The following ZDHHC20 variants were observed in gnomAD, a reference collection of about 807,000 sequenced individuals.
The protein encoded by ZDHHC20 is palmitoyltransferase ZDHHC20.
A neutral mutation model predicts 57.8 loss-of-function variants in ZDHHC20; 43 were observed. The ratio of observed to expected loss-of-function variants is 0.74; its 90% CI spans 0.58 to 0.96. The LOEUF (loss-of-function observed/expected upper bound fraction) is 0.96. ZDHHC20 is among the 40% of genes least tolerant of loss of function. ZDHHC20 has a pLI of 0.00. For missense variants in ZDHHC20, 391 were observed against 441.1 expected, an observed-to-expected ratio of 0.89 and a Z score of 1.02; for synonymous variants, 157 against 153.0, an observed-to-expected ratio of 1.03 and a Z score of -0.19.
intron 3 of ZDHHC20, among the ~76,000 whole-genome samples, chr13:21,414,898 AAAACT>A (rs1466639245): frequency 6.6e-6 from 1 of 152,090 alleles, no homozygotes; most frequent in Non-Finnish European, 1.5e-5. Flanking sequence ...AAAAAAAAAC[AAAACT>A]AAGAATGGCT....
intron 1 of ZDHHC20, among the ~76,000 whole-genome samples, chr13:21,453,188 G>A (rs1884614409): frequency 6.6e-6 from 1 of 152,206 alleles, no homozygotes; most frequent in Non-Finnish European, 1.5e-5. Flanking sequence ...TGCCAAAGCA[G>A]ATTTCAGAGT....
At chr13:21,441,168 C>T (rs1214361188) in intron 1 of ZDHHC20, among the ~76,000 whole-genome samples, 1 of 152,122 alleles carries the variant, frequency 6.6e-6, no homozygotes, top group Non-Finnish European at 1.5e-5. Context: ...TTCATTTATA[C>T]ATTAATTGGG....
chr13:21,380,132 C>G (rs1307381929), intron 11 of ZDHHC20, among the ~76,000 whole-genome samples: 3 of 142,828 alleles, frequency 2.1e-5, no homozygotes, highest in South Asian at 4.5e-4. Context: ...CCTTTCTTCC[C>G]CGAGATGGAG....
At chr13:21,434,469 TTTAGTC>T (rs1364625696) in intron 1 of ZDHHC20, among the ~76,000 whole-genome samples, 1 of 152,208 alleles carries the variant, frequency 6.6e-6, no homozygotes, top group Non-Finnish European at 1.5e-5. Flanking sequence ...TTATTCCTCA[TTTAGTC>T]TTAGTCTTGG....
chr13:21,416,167 T>C (rs949370617), intron 3 of ZDHHC20, among the ~76,000 whole-genome samples: 11 of 128,268 alleles, frequency 8.6e-5, no homozygotes, highest in Non-Finnish European at 1.4e-4. Flanking sequence ...GTCACACCAC[T>C]ACACTCCAGC....
intron 1 of ZDHHC20, among the ~76,000 whole-genome samples, chr13:21,431,516 T>C (rs1432074655): frequency 6.6e-6 from 1 of 152,242 alleles, no homozygotes; most frequent in African/African-American, 2.4e-5. Context: ...GGGTCTAATG[T>C]TAAATATGTG....
intron 1 of ZDHHC20, among the ~76,000 whole-genome samples, chr13:21,428,030 G>A (rs1881478306): frequency 6.6e-6 from 1 of 151,754 alleles, no homozygotes; most frequent in South Asian, 2.1e-4. Flanking sequence ...TTTTTTTCCT[G>A]GAGGTAGAGG....
chr13:21,451,571 A>T (rs964053459), intron 1 of ZDHHC20, among the ~76,000 whole-genome samples: 1 of 152,248 alleles, frequency 6.6e-6, no homozygotes, highest in African/African-American at 2.4e-5. Context: ...AAAACTGTGA[A>T]TATGTTTTGA....
At chr13:21,432,109 T>C (rs1421830085) in intron 1 of ZDHHC20, among the ~76,000 whole-genome samples, 1 of 152,170 alleles carries the variant, frequency 6.6e-6, no homozygotes, top group East Asian at 1.9e-4. Flanking sequence ...TCATTTTATA[T>C]CATTTCATAT....
At chr13:21,447,618 G>C (rs879369334) in intron 1 of ZDHHC20, among the ~76,000 whole-genome samples, 18,492 of 136,734 alleles carry the variant, frequency 0.14, 1,220 homozygotes, top group Non-Finnish European at 0.2. Flanking sequence ...CAGTGGCGTG[G>C]TCTCGGCTCA....
intron 7 of ZDHHC20, among the ~76,000 whole-genome samples, chr13:21,393,986 T>G (rs999480733): frequency 6.6e-6 from 1 of 152,232 alleles, no homozygotes; most frequent in Non-Finnish European, 1.5e-5. Flanking sequence ...GCTTCTACCT[T>G]ATTCCAGCCG....
chr13:21,426,229 G>A (rs986151570), intron 1 of ZDHHC20, among the ~76,000 whole-genome samples: 1 of 152,092 alleles, frequency 6.6e-6, no homozygotes, highest in African/African-American at 2.4e-5. Flanking sequence ...CTTCCACCTT[G>A]TATTACTATT....
chr13:21,408,359 G>GTATTT (rs1424952968), intron 4 of ZDHHC20, among the ~76,000 whole-genome samples: 1 of 152,042 alleles, frequency 6.6e-6, no homozygotes, highest in Admixed American at 6.5e-5. Context: ...TTATTCCTAG[G>GTATTT]TATTTTATTA....
chr13:21,397,018 C>CT (rs1876898416), intron 7 of ZDHHC20, among the ~76,000 whole-genome samples: 1 of 152,104 alleles, frequency 6.6e-6, no homozygotes, highest in Non-Finnish European at 1.5e-5. Flanking sequence ...CAAAAGTCAC[C>CT]TTTTTATAAA....
At chr13:21,414,405 G>C (rs568872998) in intron 3 of ZDHHC20, among the ~76,000 whole-genome samples, 1 of 151,114 alleles carries the variant, frequency 6.6e-6, no homozygotes, top group East Asian at 1.9e-4. Flanking sequence ...CTGTCGCCCA[G>C]GCTAGAGTGC....
intron 7 of ZDHHC20, among the ~76,000 whole-genome samples, chr13:21,399,508 T>C (rs1240057852): frequency 1.3e-5 from 2 of 152,146 alleles, no homozygotes; most frequent in Admixed American, 6.5e-5. Context: ...ACTTTCAATG[T>C]TTTTGGTAGT....
intron 2 of ZDHHC20, among the ~76,000 whole-genome samples, chr13:21,424,128 G>A (rs192315545): frequency 2.1e-4 from 32 of 152,158 alleles, no homozygotes; most frequent in Admixed American, 6.5e-4. Flanking sequence ...GTACTTAAAA[G>A]ATGTTATCAT....
rs747307477 is a variant in ZDHHC20, at chr13:21,414,527, AT to A, written c.250-756del. Among the ~76,000 whole-genome samples the A allele has an allele frequency of 6.9e-3, 744 of 107,502 alleles. 6 individuals are homozygous for A. The highest frequency in any genetic ancestry group is 0.018 in the African/African-American group (587 of 32,388). The allele number at this position is 107,502 out of a possible 152,430, so 70.5% of individuals were successfully genotyped here. On this transcript the variant is annotated intron_variant, in intron 3 of 12. Coordinates refer to ENST00000400590, the MANE Select transcript of ZDHHC20 (RefSeq NM_001330059.2). ...AGGCGCACGCCACTATGCCCGGATA[AT>A]TTTTTTTTTTTTTTTTGTATTTTTA...
At chr13:21,398,932 G>A (rs1877228271) in intron 7 of ZDHHC20, among the ~76,000 whole-genome samples, 1 of 152,210 alleles carries the variant, frequency 6.6e-6, no homozygotes, top group Non-Finnish European at 1.5e-5. Context: ...AACCAACAGT[G>A]AGACAGCCCA....
Sources: allele counts gnomAD v4.1 joint callset (sites outside exome capture counted in the v4.1 genomes callset), GRCh38; gene constraint gnomAD v4.1.1; transcripts MANE v1.5; gene names NCBI Gene and HGNC (gene_info 2026-07-23, HGNC 2026-07-21).